UNC5D: variants seen among roughly 807,000 people sequenced by gnomAD.
UNC5D encodes netrin receptor UNC5D.
UNC5D carries 39 observed loss-of-function variants against 105.4 expected under a neutral mutation model. The observed-to-expected ratio is 0.37, with a 90% CI of 0.29 to 0.48. The LOEUF is 0.48. UNC5D is among the 20% of genes least tolerant of loss of function. UNC5D has a pLI of 0.98. For synonymous variants in UNC5D, 452 were observed against 450.4 expected (o/e 1.00, Z -0.04); for missense variants, 991 against 1,202.4 (o/e 0.82, Z 2.60).
At chr8:35,566,021 C>T (rs1477314158) in intron 2 of UNC5D, among the ~76,000 whole-genome samples, 1 of 152,178 alleles carries the variant, frequency 6.6e-6, no homozygotes, top group Non-Finnish European at 1.5e-5. Context: ...GGAACAACAT[C>T]ATCATCATCT....
chr8:35,440,025 C>T (rs1807294581), intron 1 of UNC5D, among the ~76,000 whole-genome samples: 1 of 151,988 alleles, frequency 6.6e-6, no homozygotes, highest in Non-Finnish European at 1.5e-5. Flanking sequence ...TTTTCAGAAT[C>T]AGTGCTTTTC....
chr8:35,372,596 A>ATTTTATTATTTTTT (rs550379018), intron 1 of UNC5D, among the ~76,000 whole-genome samples: 1,801 of 152,006 alleles, frequency 0.012, 40 homozygotes, highest in African/African-American at 0.042. Context: ...ATGCTCTAAT[A>ATTTTATTATTTTTT]TTTTATTATT....
At chr8:35,611,289 C>T (rs2130981515) in intron 4 of UNC5D, among the ~76,000 whole-genome samples, 1 of 152,230 alleles carries the variant, frequency 6.6e-6, no homozygotes, top group South Asian at 2.1e-4. Context: ...CCAAACATTG[C>T]CCTCTCTTCT....
At chr8:35,354,665 T>G (rs878996620) in intron 1 of UNC5D, among the ~76,000 whole-genome samples, 1 of 152,172 alleles carries the variant, frequency 6.6e-6, no homozygotes, top group Admixed American at 6.5e-5. Context: ...CTGGTTTTCT[T>G]AGTTTACTTA....
intron 15 of UNC5D, among the ~76,000 whole-genome samples, chr8:35,774,012 C>T (rs766372951): frequency 2.0e-5 from 3 of 152,218 alleles, no homozygotes; most frequent in African/African-American, 7.2e-5. Flanking sequence ...GCATGAGCCA[C>T]TGTGCCCAGC....
chr8:35,772,969 G>T (rs1039323896), intron 15 of UNC5D, among the ~76,000 whole-genome samples: 6 of 152,028 alleles, frequency 3.9e-5, no homozygotes, highest in Non-Finnish European at 7.4e-5. Flanking sequence ...TAGACTGGCT[G>T]TTTGCTTTCC....
intron 1 of UNC5D, among the ~76,000 whole-genome samples, chr8:35,434,040 C>CT (rs1806835543): frequency 6.6e-6 from 1 of 151,764 alleles, no homozygotes; most frequent in East Asian, 1.9e-4. Context: ...TTAAAGCTAG[C>CT]TTTTTTTAGA....
At chr8:35,641,248 T>C (rs1822692278) in intron 4 of UNC5D, among the ~76,000 whole-genome samples, 1 of 151,126 alleles carries the variant, frequency 6.6e-6, no homozygotes, top group Admixed American at 6.6e-5. Flanking sequence ...CAAAGTCTAC[T>C]AAACACTATT....
intron 7 of UNC5D, among the ~76,000 whole-genome samples, chr8:35,690,741 G>C (rs151062124): frequency 4.7e-4 from 72 of 152,318 alleles, no homozygotes; most frequent in African/African-American, 1.7e-3. Flanking sequence ...AGTGCTCTTG[G>C]TGAAAATAGC....
chr8:35,256,390 C>T (rs941648860), intron 1 of UNC5D: 1 of 152,052 alleles, frequency 6.6e-6, no homozygotes, highest in Non-Finnish European at 1.5e-5. Flanking sequence ...CATAGGTATA[C>T]ATGTGTCATG....
intron 4 of UNC5D, among the ~76,000 whole-genome samples, chr8:35,648,178 C>T (rs1823174154): frequency 1.3e-5 from 2 of 152,098 alleles, no homozygotes; most frequent in African/African-American, 4.8e-5. Context: ...AAATACGCAG[C>T]TCATTTCTAT....
intron 4 of UNC5D, among the ~76,000 whole-genome samples, chr8:35,625,005 T>C (rs1417586346): frequency 3.3e-5 from 5 of 152,234 alleles, no homozygotes; most frequent in Non-Finnish European, 7.3e-5. Context: ...TGCATATGTG[T>C]GTGCATATGT....
intron 2 of UNC5D, among the ~76,000 whole-genome samples, chr8:35,551,352 GAT>G (rs1442394733): frequency 6.6e-6 from 1 of 152,218 alleles, no homozygotes; most frequent in Non-Finnish European, 1.5e-5. Flanking sequence ...TTTGGAACTT[GAT>G]ATAATTAGTA....
At position 35,505,797 on chromosome 8, in the gene UNC5D, T is replaced by C. The variant is rs1479392355; in HGVS notation, c.104-43495T>C. On this transcript the variant is annotated intron_variant, in intron 1 of 16. Transcript: ENST00000404895. ...GAGATACACTAAGTCAGGAAAGTGATTTTGCACAGTGGTTGGCTCTGGAGC... is the reference window on the plus strand; with the variant it reads ...GAGATACACTAAGTCAGGAAAGTGACTTTGCACAGTGGTTGGCTCTGGAGC... Among the ~76,000 whole-genome samples, 5 of 152,194 alleles carry C rather than the reference T, an allele frequency of 3.3e-5. No individual in the cohort carries two copies. The East Asian group carries it at 9.6e-4, about 29-fold the overall frequency.
intron 1 of UNC5D, among the ~76,000 whole-genome samples, chr8:35,273,613 T>A (rs1414660451): frequency 6.6e-6 from 1 of 152,188 alleles, no homozygotes; most frequent in Non-Finnish European, 1.5e-5. Context: ...CAGAAGTATT[T>A]TTCCCCAAGG....
chr8:35,681,602 C>T (rs1825672103), intron 4 of UNC5D, among the ~76,000 whole-genome samples: 1 of 152,156 alleles, frequency 6.6e-6, no homozygotes, highest in African/African-American at 2.4e-5. Flanking sequence ...CGCTTTTTGG[C>T]TCTGATCATT....
chr8:35,354,486 C>T (rs189290961), intron 1 of UNC5D, among the ~76,000 whole-genome samples: 1 of 152,204 alleles, frequency 6.6e-6, no homozygotes, highest in African/African-American at 2.4e-5. Flanking sequence ...TTCAAGGTAA[C>T]TGAGCTTTTC....
At chr8:35,491,224 T>C (rs903968997) in intron 1 of UNC5D, among the ~76,000 whole-genome samples, 2 of 152,202 alleles carry the variant, frequency 1.3e-5, no homozygotes, top group Non-Finnish European at 2.9e-5. Flanking sequence ...TATCTCTTCA[T>C]GATCTTTGAT....
At chr8:35,592,115 A>G (rs1472069315) in intron 3 of UNC5D, among the ~76,000 whole-genome samples, 1 of 152,128 alleles carries the variant, frequency 6.6e-6, no homozygotes, top group African/African-American at 2.4e-5. Context: ...GCAATATTCA[A>G]TATGCTATTT....
Sources: allele counts gnomAD v4.1 joint callset (sites outside exome capture counted in the v4.1 genomes callset), GRCh38; gene constraint gnomAD v4.1.1; transcripts MANE v1.5; gene names NCBI Gene and HGNC (gene_info 2026-07-23, HGNC 2026-07-21).